The following SYN3 variants were observed in gnomAD, a reference collection of about 807,000 sequenced individuals.
SYN3 encodes synapsin-3.
SYN3 carries 35 observed loss-of-function variants against 65.8 expected under a neutral mutation model. The ratio of observed to expected loss-of-function variants is 0.53; its 90% CI spans 0.41 to 0.70. The LOEUF (loss-of-function observed/expected upper bound fraction) is 0.70, where lower values mean the gene tolerates loss of function less well. Ranked by LOEUF, SYN3 falls within the 30% of genes least tolerant of loss-of-function variation. SYN3 has a pLI of 0.00. For synonymous variants in SYN3, 270 were observed against 292.9 expected, an observed-to-expected ratio of 0.92 and a Z score of 0.80; for missense variants, 680 against 749.0, an observed-to-expected ratio of 0.91 and a Z score of 1.08.
intron 6 of SYN3, among the ~76,000 whole-genome samples, chr22:32,803,106 C>T (rs1034583418): frequency 6.6e-6 from 1 of 152,120 alleles, no homozygotes; most frequent in Non-Finnish European, 1.5e-5. Context: ...CTCTCTCCTC[C>T]TTTCCAGCCC....
intron 3 of SYN3, among the ~76,000 whole-genome samples, chr22:32,965,002 T>C (rs1257364036): frequency 6.6e-6 from 1 of 152,232 alleles, no homozygotes; most frequent in African/African-American, 2.4e-5. Context: ...ACAGATGAGA[T>C]AGAAAGGTGG....
intron 6 of SYN3, among the ~76,000 whole-genome samples, chr22:32,839,105 G>C (rs2047819588): frequency 6.6e-6 from 1 of 151,920 alleles, no homozygotes; most frequent in African/African-American, 2.4e-5. Flanking sequence ...TTCTCACCTA[G>C]GCAAGGGGCA....
At chr22:32,904,194 T>C (rs1031876748) in intron 4 of SYN3, among the ~76,000 whole-genome samples, 8 of 152,230 alleles carry the variant, frequency 5.3e-5, no homozygotes, top group African/African-American at 1.9e-4. Flanking sequence ...CCATCTGGAC[T>C]ACATTTCCCA....
intron 6 of SYN3, among the ~76,000 whole-genome samples, chr22:32,819,422 T>C (rs1485133108): frequency 6.6e-6 from 1 of 152,236 alleles, no homozygotes; most frequent in Non-Finnish European, 1.5e-5. Context: ...ATCTCATTTT[T>C]TACCTTTTTT....
rs187986900 is a variant in SYN3 at position 32,809,587 on chromosome 22, C to T, written c.711+55328G>A. On this transcript the variant is annotated intron_variant, in intron 6 of 13. Transcript: ENST00000358763. ...AAGTTCTGTGTTTGGAACAGTTATC[C>T]GACACAATTTCATGTGTTGAGTGTT... Among the ~76,000 whole-genome samples, 111 of 152,144 alleles carry T rather than the reference C, an allele frequency of 7.3e-4. 1 individual carries two copies. Among genetic ancestry groups the T allele is most frequent in the African/African-American group, 2.3e-3 (96 of 41,500 alleles).
intron 6 of SYN3, among the ~76,000 whole-genome samples, chr22:32,694,583 C>T (rs990034735): frequency 3.9e-5 from 6 of 152,144 alleles, no homozygotes; most frequent in Admixed American, 3.3e-4. Flanking sequence ...GTTCTGCCTC[C>T]ACAGCTGAAG....
At chr22:32,634,414 A>C (rs535022567) in intron 6 of SYN3, among the ~76,000 whole-genome samples, 94 of 152,318 alleles carry the variant, frequency 6.2e-4, no homozygotes, top group Non-Finnish European at 1.2e-3. Flanking sequence ...CTGAATTCAA[A>C]TATATGTTCC....
chr22:32,562,931 G>C lies in SYN3; in HGVS notation c.775-21218C>G, dbSNP rs144467180. The stretch of plus-strand genomic sequence containing the variant: ...GAAGAGCCAGGGGGCCTGAACTCCA[G>C]TTCCAGCTGGGAAGAGACCTCACTG... On this transcript the variant is annotated intron_variant, in intron 7 of 13. Transcript: ENST00000358763. 4.5e-4 allele frequency among the ~76,000 whole-genome samples: 68 copies of C among 152,380 alleles called. No individual in the cohort carries two copies. In the East Asian group the frequency reaches 0.013, roughly 29 times the overall value.
intron 6 of SYN3, among the ~76,000 whole-genome samples, chr22:32,721,548 T>A (rs1046178201): frequency 1.1e-4 from 17 of 152,240 alleles, no homozygotes; most frequent in African/African-American, 4.1e-4. Context: ...ATTTTATCAA[T>A]GGGCAAATTG....
chr22:33,054,027 G>A (rs1046174223), intron 1 of SYN3, among the ~76,000 whole-genome samples: 8 of 152,184 alleles, frequency 5.3e-5, no homozygotes, highest in Non-Finnish European at 7.3e-5. Flanking sequence ...GGGCAAGTTC[G>A]TTTGGACACG....
At chr22:32,574,846 G>C (rs190368902) in intron 7 of SYN3, among the ~76,000 whole-genome samples, 85 of 152,268 alleles carry the variant, frequency 5.6e-4, no homozygotes, top group Admixed American at 2.5e-3. Context: ...GTTTTTCCTC[G>C]CACTTAGCAC....
chr22:33,010,243 A>C (rs1233088174), intron 1 of SYN3, among the ~76,000 whole-genome samples: 1 of 152,034 alleles, frequency 6.6e-6, no homozygotes, highest in East Asian at 1.9e-4. Flanking sequence ...AAAAAAAAAA[A>C]AAAATCTGCC....
chr22:32,723,004 A>T (rs900747749), intron 6 of SYN3, among the ~76,000 whole-genome samples: 5 of 152,190 alleles, frequency 3.3e-5, no homozygotes, highest in African/African-American at 7.2e-5. Flanking sequence ...ACATGGGTTC[A>T]ACTAGCTCCA....
At chr22:32,557,861 CTTCT>C (rs1327058542) in intron 7 of SYN3, among the ~76,000 whole-genome samples, 1 of 152,204 alleles carries the variant, frequency 6.6e-6, no homozygotes, top group East Asian at 1.9e-4. Flanking sequence ...CCAGAAAGTT[CTTCT>C]CCATTGTTCT....
At chr22:32,587,421 G>A (rs988256802) in intron 7 of SYN3, among the ~76,000 whole-genome samples, 2 of 152,018 alleles carry the variant, frequency 1.3e-5, no homozygotes, top group South Asian at 2.1e-4. Context: ...CACCTCGTGG[G>A]TGGGTGCCTC....
In SYN3 at chr22:32,710,111, A is replaced by ATGTG. The variant is rs55824039; in HGVS notation, c.712-113379_712-113376dup. On this transcript the variant is annotated intron_variant, in intron 6 of 13. Coordinates refer to ENST00000358763, the MANE Select transcript of SYN3 (RefSeq NM_003490.4). Reference sequence around the variant, plus strand: ...CACACACACACACATGTGTGTGTGTATGTGTGTGTGTGTGTGTGTGTATTT... The same window carrying ATGTG: ...CACACACACACACATGTGTGTGTGTATGTGTGTGTGTGTGTGTGTGTGTGTATTT... 1.5e-3 allele frequency among the ~76,000 whole-genome samples: 199 copies of ATGTG among 135,278 alleles called. 3 individuals are homozygous for ATGTG. Among genetic ancestry groups the ATGTG allele is most frequent in the South Asian group, 4.4e-3 (18 of 4,050 alleles). 88.7% of individuals were successfully genotyped at this position (135,278 alleles called of 152,430 possible).
intron 4 of SYN3, among the ~76,000 whole-genome samples, chr22:32,897,415 A>G (rs2049625591): frequency 1.3e-5 from 2 of 152,204 alleles, no homozygotes; most frequent in African/African-American, 4.8e-5. Flanking sequence ...TTCCTGAAGC[A>G]GATTCTCAGT....
chr22:32,885,320 A>G (rs1335377624), intron 4 of SYN3, among the ~76,000 whole-genome samples: 2 of 152,238 alleles, frequency 1.3e-5, no homozygotes, highest in African/African-American at 4.8e-5. Flanking sequence ...CAGAGGCTCA[A>G]TGTCAGACTC....
At chr22:32,946,113 C>A (rs1451096918) in intron 3 of SYN3, among the ~76,000 whole-genome samples, 2 of 152,156 alleles carry the variant, frequency 1.3e-5, no homozygotes, top group African/African-American at 4.8e-5. Context: ...ACTAGTTCAA[C>A]CATTGTGGAA....
Sources: gnomAD v4.1 joint callset for allele counts (sites outside exome capture counted in the v4.1 genomes callset) on GRCh38, gnomAD v4.1.1 for gene constraint, MANE v1.5 for transcripts, NCBI Gene and HGNC (gene_info 2026-07-23, HGNC 2026-07-21) for gene names.